Variants in TMEM123 observed in about 807,000 individuals in gnomAD.
TMEM123 encodes porimin.
A neutral mutation model predicts 19.7 loss-of-function variants in TMEM123; 16 were observed. The observed-to-expected ratio is 0.81, with a 90% CI of 0.55 to 1.23. TMEM123 has a LOEUF of 1.23. TMEM123 is among the 50% of genes most tolerant of loss of function. TMEM123 has a pLI of 0.00. For synonymous variants in TMEM123, 118 were observed against 99.4 expected, an observed-to-expected ratio of 1.19 and a Z score of -1.12; for missense variants, 313 against 257.8, an observed-to-expected ratio of 1.21 and a Z score of -1.47.
intron 2 of TMEM123, among the ~76,000 whole-genome samples, chr11:102,413,150 A>G (rs769287190): frequency 6.6e-6 from 1 of 152,178 alleles, no homozygotes; most frequent in Non-Finnish European, 1.5e-5. Flanking sequence ...AATGCACACC[A>G]TCTTCCAGCA....
At chr11:102,409,226 C>A (rs1167374560) in intron 2 of TMEM123, among the ~76,000 whole-genome samples, 1 of 152,076 alleles carries the variant, frequency 6.6e-6, no homozygotes, top group Non-Finnish European at 1.5e-5. Context: ...CTAAGCTATT[C>A]AAGACATAAA....
At chr11:102,448,452 C>G (rs2135867596) in intron 2 of TMEM123, 1 of 338,266 alleles carries the variant, frequency 3.0e-6, no homozygotes, top group Non-Finnish European at 5.8e-6. Flanking sequence ...GACTAGTTTA[C>G]AGTGACTTGT....
intron 2 of TMEM123, among the ~76,000 whole-genome samples, chr11:102,443,860 C>T (rs1003449685): frequency 2.6e-5 from 4 of 151,966 alleles, no homozygotes; most frequent in African/African-American, 9.7e-5. Context: ...AGAAAAAAAT[C>T]AAACAACCCC....
chr11:102,451,841 C>T (rs1167787687), intron 1 of TMEM123, among the ~76,000 whole-genome samples: 2 of 152,260 alleles, frequency 1.3e-5, no homozygotes. Flanking sequence ...GACCGTGCAG[C>T]TGTGCCCTTA....
intron 2 of TMEM123, among the ~76,000 whole-genome samples, chr11:102,425,617 CTG>C (rs1952120549): frequency 8.0e-6 from 1 of 125,774 alleles, no homozygotes; most frequent in Non-Finnish European, 1.6e-5. Flanking sequence ...AGGTCTCACT[CTG>C]TTGCCCAGGC....
At chr11:102,452,032 G>T (rs892310039) in intron 1 of TMEM123, among the ~76,000 whole-genome samples, 1 of 152,220 alleles carries the variant, frequency 6.6e-6, no homozygotes, top group Non-Finnish European at 1.5e-5. Context: ...CCTAAAGATT[G>T]TAATTCATCT....
chr11:102,402,860 A>C (rs1386696996), intron 2 of TMEM123, among the ~76,000 whole-genome samples: 1 of 152,272 alleles, frequency 6.6e-6, no homozygotes, highest in African/African-American at 2.4e-5. Context: ...TTACAAGTCC[A>C]AAAGCCAATT....
chr11:102,439,215 T>C (rs1436854344), intron 2 of TMEM123, among the ~76,000 whole-genome samples: 2 of 152,046 alleles, frequency 1.3e-5, no homozygotes, highest in Non-Finnish European at 2.9e-5. Flanking sequence ...GACTTAAAAC[T>C]TGCTTGTCTG....
intron 2 of TMEM123, among the ~76,000 whole-genome samples, chr11:102,428,701 T>G (rs1389721980): frequency 6.6e-6 from 1 of 152,134 alleles, no homozygotes; most frequent in Non-Finnish European, 1.5e-5. Context: ...GACAATTACT[T>G]TATAAAGCTA....
intron 2 of TMEM123, among the ~76,000 whole-genome samples, chr11:102,447,081 C>A (rs575589600): frequency 6.6e-6 from 1 of 152,250 alleles, no homozygotes; most frequent in Admixed American, 6.5e-5. Flanking sequence ...AGTTATGAGG[C>A]GTAAAACACA....
At chr11:102,421,755 A>T (rs367700769) in intron 2 of TMEM123, among the ~76,000 whole-genome samples, 6 of 152,328 alleles carry the variant, frequency 3.9e-5, no homozygotes, top group African/African-American at 1.4e-4. Context: ...AGATGGCAGT[A>T]ATCTGGGGAA....
chr11:102,450,079 C>T (rs757725144), intron 1 of TMEM123, among the ~76,000 whole-genome samples: 27 of 152,200 alleles, frequency 1.8e-4, no homozygotes, highest in Non-Finnish European at 2.2e-4. Context: ...TCATCCCACC[C>T]TCCAATCCAT....
rs1346056069 is a variant in TMEM123, at chr11:102,452,563, C to G, written c.61G>C (p.Ala21Pro). Residue 21 changes from alanine to proline, a missense_variant, in exon 1 of 5, where the codon GCG (alanine) becomes CCG (proline). Transcript: ENST00000398136. Reference protein sequence around the residue: ...ALLLGTLQVLALLGAAHESAA... With the variant: ...ALLLGTLQVLPLLGAAHESAA... ...CTTTCATGGGCGGCCCCCAGCAGCG[C>G]TAGCACCTGCAGCGTCCCCAGGAGC... is the stretch of plus-strand genomic sequence containing the variant. The G allele has an allele frequency of 6.4e-7, 1 of 1,574,310 alleles. No individual in the cohort carries two copies. The highest frequency in any genetic ancestry group is 8.6e-7 in the Non-Finnish European group (1 of 1,164,844).
chr11:102,416,913 A>G (rs560670958), intron 2 of TMEM123, among the ~76,000 whole-genome samples: 74 of 152,302 alleles, frequency 4.9e-4, no homozygotes, highest in African/African-American at 1.7e-3. Context: ...TCAGTAAACA[A>G]AGAAAAGGCT....
chr11:102,398,918 CTTTGT>C (rs774667391), intron 4 of TMEM123, 27 bp from the exon 5 acceptor site: 263 of 1,597,116 alleles, frequency 1.6e-4, no homozygotes, highest in African/African-American at 3.0e-4. Context: ...GTTACAATTA[CTTTGT>C]TTTGTTTTTT....
At chr11:102,405,199 C>T (rs1183143991) in intron 2 of TMEM123, among the ~76,000 whole-genome samples, 1 of 152,050 alleles carries the variant, frequency 6.6e-6, no homozygotes, top group Non-Finnish European at 1.5e-5. Context: ...CAGGCGCCCA[C>T]CACCACGCCT....
intron 3 of TMEM123, 81 bp from the exon 4 acceptor site, chr11:102,401,773 G>A (rs1017098104): frequency 1.3e-6 from 2 of 1,488,720 alleles, no homozygotes; most frequent in African/African-American, 2.8e-5. Flanking sequence ...CTGATTTTCT[G>A]TGTTAAGAAC....
At chr11:102,449,578 A>G (rs1224870747) in intron 1 of TMEM123, 3 of 152,242 alleles carry the variant, frequency 2.0e-5, no homozygotes, top group Non-Finnish European at 4.4e-5. Flanking sequence ...AGTACAAAGA[A>G]AAGCAGTAAC....
At chr11:102,437,383 A>G (rs994128765) in intron 2 of TMEM123, among the ~76,000 whole-genome samples, 2 of 151,700 alleles carry the variant, frequency 1.3e-5, no homozygotes, top group Admixed American at 1.3e-4. Context: ...GCTTGAACCC[A>G]GAAGGCGGAG....
Sources: allele counts gnomAD v4.1 joint callset (sites outside exome capture counted in the v4.1 genomes callset), GRCh38; gene constraint gnomAD v4.1.1; transcripts MANE v1.5; gene names NCBI Gene and HGNC (gene_info 2026-07-23, HGNC 2026-07-21).